Variants in NDUFAF2 observed in about 807,000 individuals in gnomAD.
NDUFAF2 encodes the protein NADH:ubiquinone oxidoreductase complex assembly factor 2, also known as NADH dehydrogenase [ubiquinone] 1 alpha subcomplex assembly factor 2.
Under a neutral mutation model 22.8 loss-of-function variants are expected in NDUFAF2, and 13 were observed. That is an observed-to-expected ratio of 0.57 (90% confidence interval 0.37 to 0.91). NDUFAF2 has a LOEUF of 0.91. Among genes scored for constraint, NDUFAF2 ranks in the 40% least tolerant of loss-of-function variants. The probability of loss-of-function intolerance (pLI) is 0.01; values close to 1 mark genes in which losing one functional copy is unlikely to be tolerated. For missense variants in NDUFAF2, 162 were observed against 195.2 expected, an observed-to-expected ratio of 0.83 and a Z score of 1.01; for synonymous variants, 53 against 64.2, an observed-to-expected ratio of 0.83 and a Z score of 0.84.
intron 2 of NDUFAF2, among the ~76,000 whole-genome samples, chr5:61,080,507 C>A (rs561249421): frequency 6.6e-6 from 1 of 152,276 alleles, no homozygotes; most frequent in East Asian, 1.9e-4. Flanking sequence ...ATCATCTTCT[C>A]CAGCCATTGC....
At chr5:61,123,513 C>T (rs955085893) in intron 3 of NDUFAF2, among the ~76,000 whole-genome samples, 1 of 152,072 alleles carries the variant, frequency 6.6e-6, no homozygotes, top group African/African-American at 2.4e-5. Flanking sequence ...GTGGGACCAC[C>T]GTCTTATATG....
chr5:61,140,749 C>T (rs1741040486), intron 3 of NDUFAF2, among the ~76,000 whole-genome samples: 1 of 152,228 alleles, frequency 6.6e-6, no homozygotes, highest in African/African-American at 2.4e-5. Context: ...GTTCTAACCC[C>T]TGTATACCAT....
At chr5:60,959,043 C>G (rs1750652069) in intron 1 of NDUFAF2, among the ~76,000 whole-genome samples, 1 of 151,934 alleles carries the variant, frequency 6.6e-6, no homozygotes, top group South Asian at 2.1e-4. Context: ...ATTATCTCAC[C>G]TCATCATATT....
intron 1 of NDUFAF2, among the ~76,000 whole-genome samples, chr5:61,056,908 AAAAAAAAAAAAATATAT>A (rs1752101038): frequency 2.3e-5 from 1 of 43,834 alleles, no homozygotes; most frequent in Non-Finnish European, 4.1e-5. Flanking sequence ...AAAAAAAAAA[AAAAAAAAAAAAATATAT>A]ATATATATAT....
chr5:61,018,904 A>G (rs936772237), intron 1 of NDUFAF2, among the ~76,000 whole-genome samples: 8 of 152,098 alleles, frequency 5.3e-5, no homozygotes, highest in African/African-American at 1.7e-4. Flanking sequence ...ATAGTGAAAA[A>G]CTTTTTAGTT....
intron 1 of NDUFAF2, among the ~76,000 whole-genome samples, chr5:60,979,512 G>C (rs777090911): frequency 9.2e-5 from 14 of 152,190 alleles, no homozygotes; most frequent in Non-Finnish European, 1.9e-4. Flanking sequence ...GTGAACAATG[G>C]TGGTAGCCAG....
At chr5:61,075,256 T>C (rs1433149889) in intron 2 of NDUFAF2, among the ~76,000 whole-genome samples, 1 of 152,202 alleles carries the variant, frequency 6.6e-6, no homozygotes, top group Non-Finnish European at 1.5e-5. Flanking sequence ...AGGCATTATG[T>C]TACTTTTATG....
At chr5:61,023,350 T>G (rs1751609764) in intron 1 of NDUFAF2, among the ~76,000 whole-genome samples, 1 of 152,180 alleles carries the variant, frequency 6.6e-6, no homozygotes, top group South Asian at 2.1e-4. Flanking sequence ...ACTGGTTTAG[T>G]CATTTTCAGA....
intron 1 of NDUFAF2, among the ~76,000 whole-genome samples, chr5:60,971,286 C>CTTT (rs70977817): frequency 6.9e-6 from 1 of 144,310 alleles, no homozygotes; most frequent in Non-Finnish European, 1.5e-5. Context: ...TTCTTTCTTT[C>CTTT]TTTTTTTTTT....
chr5:60,987,153 A>G (rs566169552), intron 1 of NDUFAF2, among the ~76,000 whole-genome samples: 4 of 152,324 alleles, frequency 2.6e-5, no homozygotes, highest in South Asian at 2.1e-4. Context: ...GAGTACCTCT[A>G]TATATACAAA....
intron 3 of NDUFAF2, among the ~76,000 whole-genome samples, chr5:61,140,588 A>G (rs1378211740): frequency 1.3e-5 from 2 of 152,232 alleles, no homozygotes; most frequent in Non-Finnish European, 2.9e-5. Context: ...TAAATACTAA[A>G]TTATTTGATG....
chr5:61,003,630 G>GA (rs200787394), intron 1 of NDUFAF2, among the ~76,000 whole-genome samples: 2,795 of 133,912 alleles, frequency 0.021, 112 homozygotes, highest in African/African-American at 0.072. Flanking sequence ...GGGTTTCTTT[G>GA]AAAAAAAATC....
intron 3 of NDUFAF2, among the ~76,000 whole-genome samples, chr5:61,119,962 T>C (rs1326808947): frequency 6.6e-6 from 1 of 152,204 alleles, no homozygotes; most frequent in Non-Finnish European, 1.5e-5. Flanking sequence ...GTCTGGCTGC[T>C]ACCTGAAATC....
chr5:60,982,507 T>A (rs1040353151), intron 1 of NDUFAF2, among the ~76,000 whole-genome samples: 1 of 151,566 alleles, frequency 6.6e-6, no homozygotes, highest in African/African-American at 2.4e-5. Context: ...CATTAACTCA[T>A]CATTTAACAT....
intron 1 of NDUFAF2, among the ~76,000 whole-genome samples, chr5:61,014,466 T>G (rs1297226197): frequency 6.6e-6 from 1 of 152,158 alleles, no homozygotes; most frequent in Non-Finnish European, 1.5e-5. Context: ...GTGAATAAAT[T>G]GTCTTCCTGA....
chr5:61,126,380 G>A (rs1421841256), intron 3 of NDUFAF2, among the ~76,000 whole-genome samples: 2 of 151,960 alleles, frequency 1.3e-5, no homozygotes, highest in East Asian at 1.9e-4. Context: ...TTTTAGTGAG[G>A]ATTAATAAGC....
At chr5:61,115,166 A>C (rs1752895741) in intron 3 of NDUFAF2, 1 of 152,580 alleles carries the variant, frequency 6.6e-6, no homozygotes, top group Admixed American at 6.5e-5. Flanking sequence ...TCCACAAGCT[A>C]AGGAGTTCTC....
intron 1 of NDUFAF2, among the ~76,000 whole-genome samples, chr5:61,011,275 G>A (rs1228824946): frequency 6.6e-6 from 1 of 152,072 alleles, no homozygotes; most frequent in African/African-American, 2.4e-5. Flanking sequence ...GAAGAACTGT[G>A]TACTCATGCC....
At chr5:61,054,123 C>G (rs532874703) in intron 1 of NDUFAF2, among the ~76,000 whole-genome samples, 1 of 152,026 alleles carries the variant, frequency 6.6e-6, no homozygotes, top group African/African-American at 2.4e-5. Context: ...ATTTTTAGAG[C>G]CCAGGAGTTC....
Sources: allele counts gnomAD v4.1 joint callset (sites outside exome capture counted in the v4.1 genomes callset), GRCh38; gene constraint gnomAD v4.1.1; transcripts MANE v1.5; gene names NCBI Gene and HGNC (gene_info 2026-07-23, HGNC 2026-07-21).